HEMK2: variants seen among roughly 807,000 people sequenced by gnomAD.
HEMK2 encodes the protein HemK methyltransferase 2, ETF1 glutamine and histone H4 lysine.
At chr21:28,619,617 G>T in the HEMK2 span, among the ~76,000 whole-genome samples, 3 of 152,026 alleles carry the variant, frequency 2.0e-5, no homozygotes, top group Admixed American at 2.0e-4. Flanking sequence ...TTTTATTTCT[G>T]CTCTTCTTTA....
At chr21:28,656,144 T>G in the HEMK2 span, among the ~76,000 whole-genome samples, 3 of 152,090 alleles carry the variant, frequency 2.0e-5, no homozygotes, top group Non-Finnish European at 4.4e-5. Flanking sequence ...AATGAAGGTT[T>G]AGAAGATGAT....
At chr21:28,731,621 G>C in the HEMK2 span, among the ~76,000 whole-genome samples, 1 of 141,844 alleles carries the variant, frequency 7.1e-6, no homozygotes, top group Middle Eastern at 3.6e-3. Flanking sequence ...TAGGGGGAGG[G>C]GGGAGGGATA....
chr21:28,826,043 G>A, the HEMK2 span, among the ~76,000 whole-genome samples: 1 of 152,188 alleles, frequency 6.6e-6, no homozygotes, highest in Non-Finnish European at 1.5e-5. Context: ...CAGAAATATT[G>A]TCTATAAATG....
chr21:28,661,794 G>A, the HEMK2 span, among the ~76,000 whole-genome samples: 2 of 152,088 alleles, frequency 1.3e-5, no homozygotes, highest in Admixed American at 1.3e-4. Context: ...TTGAGTGCTT[G>A]AAATGTGACT....
the HEMK2 span, among the ~76,000 whole-genome samples, chr21:28,592,271 T>C: frequency 1.1e-3 from 165 of 152,340 alleles, no homozygotes; most frequent in Non-Finnish European, 1.7e-3. Flanking sequence ...TATTGCATTG[T>C]AATTTTGATT....
At chr21:28,874,891 A>G in the HEMK2 span, 1 of 152,262 alleles carries the variant, frequency 6.6e-6, no homozygotes, top group Admixed American at 6.5e-5. Flanking sequence ...CAAAGTCAAC[A>G]GGGGGACTGC....
the HEMK2 span, among the ~76,000 whole-genome samples, chr21:28,677,747 G>A: frequency 2.0e-5 from 3 of 152,162 alleles, no homozygotes; most frequent in Non-Finnish European, 4.4e-5. Context: ...ACCAATATTC[G>A]CTGTTCTGCA....
At chr21:28,780,811 T>C in the HEMK2 span, among the ~76,000 whole-genome samples, 1 of 152,198 alleles carries the variant, frequency 6.6e-6, no homozygotes, top group African/African-American at 2.4e-5. Context: ...ACTTCTATTT[T>C]ATTTCAACCC....
the HEMK2 span, among the ~76,000 whole-genome samples, chr21:28,611,269 G>A: frequency 2.0e-5 from 3 of 152,134 alleles, no homozygotes; most frequent in East Asian, 1.9e-4. Context: ...ATGCAAATAC[G>A]TGGAAATTAA....
the HEMK2 span, among the ~76,000 whole-genome samples, chr21:28,785,948 T>A: frequency 2.0e-5 from 3 of 152,252 alleles, no homozygotes; most frequent in Non-Finnish European, 4.4e-5. Context: ...ACTTTAAAAG[T>A]GAATTTTAAG....
chr21:28,694,535 C>T, the HEMK2 span, among the ~76,000 whole-genome samples: 1 of 152,184 alleles, frequency 6.6e-6, no homozygotes, highest in Non-Finnish European at 1.5e-5. Flanking sequence ...CTGGTCCCTG[C>T]CTCACTACAC....
chr21:28,577,805 T>A, the HEMK2 span, among the ~76,000 whole-genome samples: 1 of 152,168 alleles, frequency 6.6e-6, no homozygotes, highest in African/African-American at 2.4e-5. Context: ...CCACATCCAA[T>A]TCATCATTAA....
the HEMK2 span, among the ~76,000 whole-genome samples, chr21:28,709,000 C>T: frequency 6.6e-6 from 1 of 152,332 alleles, no homozygotes; most frequent in East Asian, 1.9e-4. Context: ...ACAGTATGGT[C>T]TGGTCCTGGT....
chr21:28,724,623 G>T, the HEMK2 span, among the ~76,000 whole-genome samples: 2 of 152,308 alleles, frequency 1.3e-5, no homozygotes, highest in Admixed American at 1.3e-4. Flanking sequence ...TAATAACAGA[G>T]CGCCAGCAAA....
At chr21:28,674,106 T>C in the HEMK2 span, among the ~76,000 whole-genome samples, 1 of 152,066 alleles carries the variant, frequency 6.6e-6, no homozygotes, top group Non-Finnish European at 1.5e-5. Context: ...CAAAACCCAC[T>C]AAAAGCAAGA....
the HEMK2 span, among the ~76,000 whole-genome samples, chr21:28,729,678 A>G: frequency 1.3e-5 from 2 of 151,924 alleles, no homozygotes; most frequent in Non-Finnish European, 2.9e-5. Context: ...ATGTTTTAAG[A>G]AAGTTTATAA....
chr21:28,756,151 G>A, the HEMK2 span, among the ~76,000 whole-genome samples: 33 of 152,054 alleles, frequency 2.2e-4, no homozygotes, highest in Non-Finnish European at 3.2e-4. Context: ...TTGTTTTTCC[G>A]AGCAACAGGT....
At chr21:28,782,277 A>G in the HEMK2 span, among the ~76,000 whole-genome samples, 76 of 152,342 alleles carry the variant, frequency 5.0e-4, no homozygotes, top group East Asian at 0.014. Context: ...ACCTAATACT[A>G]TAATATACAC....
the HEMK2 span, among the ~76,000 whole-genome samples, chr21:28,620,461 T>C: frequency 6.6e-6 from 1 of 152,020 alleles, no homozygotes; most frequent in Non-Finnish European, 1.5e-5. Flanking sequence ...TATTGGTCTA[T>C]TCAGGGATTT....
Sources: allele counts gnomAD v4.1 joint callset (sites outside exome capture counted in the v4.1 genomes callset), GRCh38; gene constraint gnomAD v4.1.1; transcripts MANE v1.5; gene names NCBI Gene and HGNC (gene_info 2026-07-23, HGNC 2026-07-21).